Variants in PTPRQ observed in about 807,000 individuals in gnomAD.
The protein encoded by PTPRQ is phosphatidylinositol phosphatase PTPRQ.
A neutral mutation model predicts 246.0 loss-of-function variants in PTPRQ; 199 were observed. That is an observed-to-expected ratio of 0.81 (90% CI 0.72 to 0.91). The LOEUF is 0.91. Among genes scored for constraint, PTPRQ ranks in the 40% least tolerant of loss-of-function variants. PTPRQ has a pLI of 0.00. For missense variants in PTPRQ, 2,624 were observed against 2,528.4 expected, an observed-to-expected ratio of 1.04 and a Z score of -0.81; for synonymous variants, 869 against 853.2, an observed-to-expected ratio of 1.02 and a Z score of -0.32.
intron 36 of PTPRQ, 105 bp from the exon 37 acceptor site, chr12:80,649,483 G>A (rs1194576461): frequency 8.1e-6 from 11 of 1,365,470 alleles, no homozygotes; most frequent in South Asian, 3.8e-5. Flanking sequence ...TGATTTTGGG[G>A]ATGTCCATTG....
chr12:80,454,441 G>A, intron 3 of PTPRQ: 2 of 699,566 alleles, frequency 2.9e-6, no homozygotes, highest in Non-Finnish European at 2.6e-6. Flanking sequence ...TGGAAATGCA[G>A]AAATGGATGC....
intron 35 of PTPRQ, among the ~76,000 whole-genome samples, chr12:80,635,691 T>C (rs1411654694): frequency 3.3e-5 from 5 of 152,202 alleles, no homozygotes; most frequent in African/African-American, 7.2e-5. Context: ...AAAATAATTA[T>C]AAATCCTTTT....
At chr12:80,673,036 C>T in intron 42 of PTPRQ, 133 bp from the exon 43 acceptor site, 1 of 1,329,798 alleles carries the variant, frequency 7.5e-7, no homozygotes, top group South Asian at 1.7e-5. Flanking sequence ...CAAAGACACT[C>T]CAAAGAAAAT....
intron 26 of PTPRQ, among the ~76,000 whole-genome samples, chr12:80,600,090 G>A (rs994168755): frequency 6.6e-6 from 1 of 151,734 alleles, no homozygotes; most frequent in Non-Finnish European, 1.5e-5. Flanking sequence ...AAGAAAGAAG[G>A]GAAAACGATT....
chr12:80,552,522 C>T (rs1896504848), intron 25 of PTPRQ, among the ~76,000 whole-genome samples: 1 of 150,784 alleles, frequency 6.6e-6, no homozygotes, highest in African/African-American at 2.4e-5. Flanking sequence ...AAAGTGACAG[C>T]TTAGACACAG....
Position 80,634,910 on chromosome 12 carries a change from A to G in PTPRQ, c.5787-35A>G, listed in dbSNP as rs752441129. 5 of 1,545,024 alleles carry G rather than the reference A, an allele frequency of 3.2e-6. No individual in the cohort carries two copies. The African/African-American group carries it at 4.1e-5, about 13-fold the overall frequency. ...ACCTAATTTTATATACTTTGTGTGA[A>G]ACTCCCTTCTTGGACTTTACTCCGC... On this transcript the variant is annotated intron_variant, in intron 34 of 44. Coordinates refer to ENST00000644991, the MANE Select transcript of PTPRQ (RefSeq NM_001145026.2).
chr12:80,469,451 T>C lies in PTPRQ; in HGVS notation c.1039+613T>C, dbSNP rs563068577. ...ATTATATCATTAGGATCAAGTATTATATCATTAGAAGTGAATTATGTAAAG... is the reference window on the plus strand; with the variant it reads ...ATTATATCATTAGGATCAAGTATTACATCATTAGAAGTGAATTATGTAAAG... On this transcript the variant is annotated intron_variant, in intron 7 of 44. Coordinates refer to ENST00000644991, the MANE Select transcript of PTPRQ (RefSeq NM_001145026.2). 4.7e-4 allele frequency among the ~76,000 whole-genome samples: 71 copies of C among 152,316 alleles called. No individual in the cohort carries two copies. The East Asian group carries it at 7.7e-3, about 17-fold the overall frequency.
At position 80,648,942 on chromosome 12, in the gene PTPRQ, T is replaced by C; in HGVS notation, c.5942+19T>C. On this transcript the variant is annotated intron_variant, in intron 36 of 44. Coordinates refer to ENST00000644991, the MANE Select transcript of PTPRQ (RefSeq NM_001145026.2). ...CCATCAAGTAAGTTTGTTAAATATTTTCTTTCTTCTTTTTGAATATCAAAG... is the reference window on the plus strand; with the variant it reads ...CCATCAAGTAAGTTTGTTAAATATTCTCTTTCTTCTTTTTGAATATCAAAG... The C allele has an allele frequency of 6.7e-7, 1 of 1,497,240 alleles. No homozygotes were observed. Among genetic ancestry groups the C allele is most frequent in the Non-Finnish European group, 8.9e-7 (1 of 1,122,668 alleles). The allele number at this position is 1,497,240 out of a possible 1,614,324, so 92.7% of individuals were successfully genotyped here.
Position 80,503,063 on chromosome 12 carries a change from G to A in PTPRQ, c.2273-2961G>A, listed in dbSNP as rs116871461. Among the ~76,000 whole-genome samples, 129 of 151,848 alleles carry A rather than the reference G, an allele frequency of 8.5e-4. 3 individuals carry two copies. The East Asian group carries it at 0.024, about 29-fold the overall frequency. On this transcript the variant is annotated intron_variant, in intron 14 of 44. Coordinates refer to ENST00000644991, the MANE Select transcript of PTPRQ (RefSeq NM_001145026.2). ...GTATCTAATGGAATGGGGCTTCAAA[G>A]GATCTGTGGTTCTTCAGGAAGAAAA...
intron 39 of PTPRQ, among the ~76,000 whole-genome samples, chr12:80,660,615 C>T (rs1565847000): frequency 6.6e-6 from 1 of 152,028 alleles, no homozygotes; most frequent in Non-Finnish European, 1.5e-5. Flanking sequence ...ATTATCTCTC[C>T]TGTCAATTTC....
At chr12:80,514,664 A>G (rs1162481369) in intron 17 of PTPRQ, among the ~76,000 whole-genome samples, 2 of 144,516 alleles carry the variant, frequency 1.4e-5, no homozygotes, top group African/African-American at 5.0e-5. Context: ...CAAAATATAT[A>G]TTTGTATAAT....
At position 80,534,016 on chromosome 12, in the gene PTPRQ, A is replaced by C. The variant is rs1895916212; in HGVS notation, c.2680A>C (p.Asn894His). 1 of 1,489,718 alleles carries C rather than the reference A, an allele frequency of 6.7e-7. No individual in the cohort carries two copies. The highest frequency in any genetic ancestry group is 8.9e-7 in the Non-Finnish European group (1 of 1,120,592). 92.3% of individuals were successfully genotyped at this position (1,489,718 alleles called of 1,614,324 possible). The change falls in exon 18 of 45, where the codon AAT becomes CAT. Residue 894 changes from asparagine (N) to histidine (H), a missense_variant and splice_region_variant. Asn to His is a moderately conservative substitution (Grantham distance 68, BLOSUM62 1). Coordinates refer to ENST00000644991, the MANE Select transcript of PTPRQ (RefSeq NM_001145026.2). ...CAGATAATATTCTTTTTATCTCAGG[A>C]ATAGATCATCATTAAAAACTATTAA... is the stretch of plus-strand genomic sequence containing the variant. ...IILYYTVYVW[N>H]RSSLKTINVT...
At chr12:80,462,424 C>T (rs1184308773) in intron 6 of PTPRQ, 4 of 169,322 alleles carry the variant, frequency 2.4e-5, no homozygotes, top group East Asian at 1.9e-4. Context: ...GTAGGCTCCA[C>T]CTCTGGGGGC....
intron 8 of PTPRQ, 25 bp downstream of exon 8, chr12:80,472,276 A>C: frequency 1.3e-6 from 2 of 1,549,356 alleles, no homozygotes; most frequent in South Asian, 2.4e-5. Context: ...AATGAGTGAG[A>C]TATTTTTGGT....
At chr12:80,645,138 C>A (rs1265929826) in intron 35 of PTPRQ, among the ~76,000 whole-genome samples, 1 of 151,890 alleles carries the variant, frequency 6.6e-6, no homozygotes, top group Non-Finnish European at 1.5e-5. Context: ...GAAAATAAAG[C>A]CAAATCAGAT....
chr12:80,664,868 A>C (rs538353709), intron 39 of PTPRQ, among the ~76,000 whole-genome samples: 1 of 152,174 alleles, frequency 6.6e-6, no homozygotes, highest in East Asian at 1.9e-4. Context: ...CCAGACCTGC[A>C]AACAAAATAA....
chr12:80,519,367 T>A (rs1895401557), intron 17 of PTPRQ, among the ~76,000 whole-genome samples: 1 of 152,156 alleles, frequency 6.6e-6, no homozygotes, highest in African/African-American at 2.4e-5. Flanking sequence ...ACAAAATGTC[T>A]CAGAAAGCTG....
At chr12:80,648,868 C>CA (rs1331576109) in intron 35 of PTPRQ, 29 bp from the exon 36 acceptor site, 14 of 1,521,882 alleles carry the variant, frequency 9.2e-6, no homozygotes, top group Non-Finnish European at 1.2e-5. Context: ...CTCTGACTCA[C>CA]AATGCATTTA....
intron 7 of PTPRQ, among the ~76,000 whole-genome samples, chr12:80,471,473 C>G (rs1353698084): frequency 2.6e-5 from 1 of 37,998 alleles, no homozygotes; most frequent in Non-Finnish European, 5.4e-5. Flanking sequence ...AATTATTTAG[C>G]ATTTTTTTTT....
Sources: gnomAD v4.1 joint callset for allele counts (sites outside exome capture counted in the v4.1 genomes callset) on GRCh38, gnomAD v4.1.1 for gene constraint, MANE v1.5 for transcripts, NCBI Gene and HGNC (gene_info 2026-07-23, HGNC 2026-07-21) for gene names.